The following STARD3NL variants were observed in gnomAD, a reference collection of about 807,000 sequenced individuals.
STARD3NL encodes STARD3 N-terminal like.
In STARD3NL, 17 loss-of-function variants were observed where a neutral mutation model predicts 30.9. The ratio of observed to expected loss-of-function variants is 0.55; its 90% CI spans 0.38 to 0.82. The LOEUF (loss-of-function observed/expected upper bound fraction) is 0.82, where lower values mean the gene tolerates loss of function less well. Ranked by LOEUF, STARD3NL falls within the 40% of genes least tolerant of loss-of-function variation. STARD3NL has a pLI of 0.00. For missense variants in STARD3NL, 234 were observed against 277.6 expected, an observed-to-expected ratio of 0.84 and a Z score of 1.12; for synonymous variants, 112 against 100.5, an observed-to-expected ratio of 1.11 and a Z score of -0.69.
At chr7:38,215,738 C>T (rs1860523) in intron 4 of STARD3NL, 1 of 152,234 alleles carries the variant, frequency 6.6e-6, no homozygotes, top group Non-Finnish European at 1.5e-5. Flanking sequence ...TTTAATAAGT[C>T]AGTTCTATGG....
chr7:38,194,132 T>G (rs1319035740), intron 1 of STARD3NL, among the ~76,000 whole-genome samples: 1 of 152,200 alleles, frequency 6.6e-6, no homozygotes, highest in African/African-American at 2.4e-5. Context: ...AATTTATATA[T>G]TTCCAGAGTA....
At chr7:38,226,572 C>T (rs765867512) in intron 7 of STARD3NL, among the ~76,000 whole-genome samples, 4 of 152,214 alleles carry the variant, frequency 2.6e-5, no homozygotes, top group Non-Finnish European at 5.9e-5. Flanking sequence ...CCAGCTTTTA[C>T]TTTCTGCTAA....
At chr7:38,192,934 A>G (rs1326901134) in intron 1 of STARD3NL, among the ~76,000 whole-genome samples, 1 of 150,478 alleles carries the variant, frequency 6.6e-6, no homozygotes, top group African/African-American at 2.4e-5. Flanking sequence ...TTCAGCTTAC[A>G]TTGTTGTTGG....
intron 1 of STARD3NL, among the ~76,000 whole-genome samples, chr7:38,204,144 G>T (rs1785326471): frequency 6.6e-6 from 1 of 152,058 alleles, no homozygotes; most frequent in African/African-American, 2.4e-5. Context: ...CCTAATAGAC[G>T]TCTACAGAAC....
At chr7:38,208,245 G>A (rs921805071) in intron 2 of STARD3NL, among the ~76,000 whole-genome samples, 4 of 152,272 alleles carry the variant, frequency 2.6e-5, no homozygotes, top group African/African-American at 9.6e-5. Context: ...GATGTTTCAT[G>A]TACTTTTCTA....
chr7:38,206,221 C>T (rs1785467773), intron 1 of STARD3NL, among the ~76,000 whole-genome samples: 1 of 152,154 alleles, frequency 6.6e-6, no homozygotes, highest in African/African-American at 2.4e-5. Context: ...CTCTTCTTTA[C>T]CTAGACATTG....
At chr7:38,229,043 A>G (rs2088345323) in intron 8 of STARD3NL, among the ~76,000 whole-genome samples, 172 bp downstream of exon 8, 1 of 152,248 alleles carries the variant, frequency 6.6e-6, no homozygotes, top group Non-Finnish European at 1.5e-5. Context: ...AACATTTTTT[A>G]TACAGGTATA....
chr7:38,228,333 C>A (rs1432140062), intron 7 of STARD3NL, among the ~76,000 whole-genome samples: 1 of 152,186 alleles, frequency 6.6e-6, no homozygotes, highest in Non-Finnish European at 1.5e-5. Flanking sequence ...TCCTGAAGCT[C>A]ATGAGACATT....
intron 1 of STARD3NL, among the ~76,000 whole-genome samples, chr7:38,182,793 A>G (rs960215332): frequency 6.6e-6 from 1 of 152,160 alleles, no homozygotes; most frequent in African/African-American, 2.4e-5. Flanking sequence ...TAGGCTCTTT[A>G]GTTTAAAACC....
chr7:38,226,028 T>TA (rs1250824924), intron 7 of STARD3NL, among the ~76,000 whole-genome samples: 1 of 152,230 alleles, frequency 6.6e-6, no homozygotes, highest in African/African-American at 2.4e-5. Context: ...GGTTGATTGA[T>TA]ATGCTTGATG....
intron 1 of STARD3NL, among the ~76,000 whole-genome samples, chr7:38,184,445 C>T (rs1459510425): frequency 2.6e-5 from 4 of 151,496 alleles, no homozygotes; most frequent in East Asian, 1.9e-4. Flanking sequence ...CCTCAGGAGG[C>T]TTACAGTCAT....
chr7:38,220,461 A>G (rs1383507371), intron 7 of STARD3NL, among the ~76,000 whole-genome samples: 1 of 152,224 alleles, frequency 6.6e-6, no homozygotes, highest in African/African-American at 2.4e-5. Context: ...ACTGTTACAA[A>G]AAGCAAAACC....
intron 1 of STARD3NL, among the ~76,000 whole-genome samples, chr7:38,180,670 G>T (rs1209514026): frequency 6.6e-6 from 1 of 152,246 alleles, no homozygotes; most frequent in Middle Eastern, 3.4e-3. Flanking sequence ...ACTCCCATTA[G>T]GTTTACTTCA....
chr7:38,204,601 CA>C (rs1371852862), intron 1 of STARD3NL, among the ~76,000 whole-genome samples: 2 of 152,158 alleles, frequency 1.3e-5, no homozygotes, highest in Non-Finnish European at 2.9e-5. Context: ...CAAACACATT[CA>C]AAAGCTAGCA....
intron 1 of STARD3NL, among the ~76,000 whole-genome samples, chr7:38,206,339 C>G (rs1022920003): frequency 6.6e-6 from 1 of 152,144 alleles, no homozygotes; most frequent in African/African-American, 2.4e-5. Context: ...ACGTTACATG[C>G]CACGTTCATG....
chr7:38,204,221 C>A (rs1785329900), intron 1 of STARD3NL, among the ~76,000 whole-genome samples: 1 of 152,164 alleles, frequency 6.6e-6, no homozygotes, highest in Admixed American at 6.5e-5. Context: ...CCAAAATTGA[C>A]CACATAGTTG....
At chr7:38,201,991 A>T (rs1169554500) in intron 1 of STARD3NL, 1 of 152,240 alleles carries the variant, frequency 6.6e-6, no homozygotes, top group East Asian at 1.9e-4. Context: ...ACCCGGCCTC[A>T]GCTATTTTCT....
intron 6 of STARD3NL, among the ~76,000 whole-genome samples, chr7:38,219,132 G>A (rs1481853097): frequency 6.6e-6 from 1 of 152,118 alleles, no homozygotes; most frequent in African/African-American, 2.4e-5. Context: ...CTGCAGCTTT[G>A]GCTTACTGGG....
chr7:38,209,563 T>G (rs1279671547), intron 2 of STARD3NL, among the ~76,000 whole-genome samples: 1 of 152,166 alleles, frequency 6.6e-6, no homozygotes, highest in African/African-American at 2.4e-5. Context: ...GGATTATAGG[T>G]GTGAGCCATC....
Sources: allele counts gnomAD v4.1 joint callset (sites outside exome capture counted in the v4.1 genomes callset), GRCh38; gene constraint gnomAD v4.1.1; transcripts MANE v1.5; gene names NCBI Gene and HGNC (gene_info 2026-07-23, HGNC 2026-07-21).